Variants in MGST1 observed in about 807,000 individuals in gnomAD.
MGST1 encodes the protein microsomal glutathione S-transferase 1.
In MGST1, 5 loss-of-function variants were observed where a neutral mutation model predicts 8.9. The ratio of observed to expected loss-of-function variants is 0.56; its 90% CI spans 0.29 to 1.19. MGST1 has a LOEUF of 1.19. Ranked by LOEUF, MGST1 falls within the 50% of genes most tolerant of loss-of-function variation. The probability of loss-of-function intolerance (pLI) is 0.08; values close to 1 mark genes in which losing one functional copy is unlikely to be tolerated. For synonymous variants in MGST1, 54 were observed against 67.8 expected (o/e 0.80, Z 1.00); for missense variants, 182 against 187.4 (o/e 0.97, Z 0.17).
exon 2 of MGST1, chr12:16,437,926 A>G (rs1425736517): frequency 6.6e-6 from 1 of 151,950 alleles, no homozygotes; most frequent in African/African-American, 2.4e-5. Context: ...TCTTTCCTCT[A>G]AGTCTCAGAT....
At chr12:16,467,449 G>A (rs1256243961) in intron 4 of MGST1, among the ~76,000 whole-genome samples, 1 of 152,142 alleles carries the variant, frequency 6.6e-6, no homozygotes, top group African/African-American at 2.4e-5. Context: ...AAATGGAACT[G>A]TGACTCATAT....
chr12:16,377,444 G>A (rs377122272), downstream of MGST1, among the ~76,000 whole-genome samples: 22 of 151,710 alleles, frequency 1.5e-4, no homozygotes, highest in East Asian at 4.3e-3. Context: ...ATGGTTTCCA[G>A]TTTCATCCAT....
chr12:16,498,164 C>T (rs1309887159), intron 4 of MGST1, among the ~76,000 whole-genome samples: 1 of 152,018 alleles, frequency 6.6e-6, no homozygotes, highest in Non-Finnish European at 1.5e-5. Context: ...TTTGAGTTAT[C>T]ATTATTTCAC....
At chr12:16,391,903 C>T (rs1366749054) in intron 1 of MGST1, among the ~76,000 whole-genome samples, 1 of 152,134 alleles carries the variant, frequency 6.6e-6, no homozygotes, top group African/African-American at 2.4e-5. Context: ...TTTAATCCAT[C>T]TTGAGTTGAT....
At chr12:16,350,404 A>G (rs1423831228) in intron 1 of MGST1, among the ~76,000 whole-genome samples, 1 of 152,244 alleles carries the variant, frequency 6.6e-6, no homozygotes, top group African/African-American at 2.4e-5. Flanking sequence ...ATAATTCATA[A>G]CCAAATTAGT....
At chr12:16,494,163 T>C (rs1264389758) in intron 4 of MGST1, among the ~76,000 whole-genome samples, 3 of 152,136 alleles carry the variant, frequency 2.0e-5, no homozygotes, top group Non-Finnish European at 4.4e-5. Flanking sequence ...CTGAGAAGTA[T>C]TGCATCCTTG....
downstream of MGST1, among the ~76,000 whole-genome samples, chr12:16,442,441 C>T (rs1196366092): frequency 6.6e-6 from 1 of 151,838 alleles, no homozygotes; most frequent in African/African-American, 2.4e-5. This position sits in a 1 kb window ranked among gnomAD's most constrained non-coding sequence, Gnocchi z 4.5. Flanking sequence ...AGGTTTACAG[C>T]TTTGTGGTTT....
At chr12:16,492,993 A>C (rs1323001004) in intron 4 of MGST1, among the ~76,000 whole-genome samples, 1 of 152,166 alleles carries the variant, frequency 6.6e-6, no homozygotes, top group African/African-American at 2.4e-5. Context: ...CCATTACCCT[A>C]GGCACAGTAA....
intron 4 of MGST1, among the ~76,000 whole-genome samples, chr12:16,494,670 A>G (rs1941459105): frequency 6.6e-6 from 1 of 152,164 alleles, no homozygotes; most frequent in South Asian, 2.1e-4. Flanking sequence ...AATGGGAGCA[A>G]GTTTCCTGTT....
rs2137019892 is a variant in MGST1, at chr12:16,369,898, G to A, written c.222-6224G>A. The A allele has an allele frequency of 6.6e-6, 1 of 152,316 alleles. No individual in the cohort carries two copies. The allele number at this position is 152,316 out of a possible 1,614,324, so 9.4% of individuals were successfully genotyped here. A position where few individuals can be genotyped will look rare whatever the true frequency, so the allele number is the denominator to read the frequency against. ...CTTGGCCAGAGAAAGTCACAGGGCT[G>A]GCCTCAGAACTAAAGTGCTGGGAAA... On this transcript the variant is annotated intron_variant, in intron 3 of 3. Coordinates refer to the MGST1 transcript ENST00000535309. This position sits in a 1 kb window ranked among gnomAD's most constrained non-coding sequence, Gnocchi z 4.8.
At chr12:16,350,125 A>G (rs1242667612) in intron 1 of MGST1, among the ~76,000 whole-genome samples, 1 of 152,154 alleles carries the variant, frequency 6.6e-6, no homozygotes, top group Non-Finnish European at 1.5e-5. Flanking sequence ...TTCACAGGTA[A>G]GGTGAAGAGG....
At chr12:16,459,617 T>C (rs1941204262) in intron 4 of MGST1, among the ~76,000 whole-genome samples, 1 of 152,074 alleles carries the variant, frequency 6.6e-6, no homozygotes, top group African/African-American at 2.4e-5. Context: ...CTAGTTCAAC[T>C]GGGGTCGAGA....
downstream of MGST1, among the ~76,000 whole-genome samples, chr12:16,442,824 G>A (rs1200928873): frequency 6.6e-6 from 1 of 151,484 alleles, no homozygotes; most frequent in Non-Finnish European, 1.5e-5. This position sits in a 1 kb window ranked among gnomAD's most constrained non-coding sequence, Gnocchi z 4.5. Flanking sequence ...GTTTTTATCA[G>A]TTATTGGGAC....
chr12:16,367,667 A>C (rs965678679), downstream of MGST1, among the ~76,000 whole-genome samples: 6 of 152,310 alleles, frequency 3.9e-5, no homozygotes, highest in African/African-American at 1.4e-4. Flanking sequence ...AGAGGAATCA[A>C]ATATTAAATG....
chr12:16,349,480 A>C (rs1287961446), intron 1 of MGST1, among the ~76,000 whole-genome samples: 1 of 152,124 alleles, frequency 6.6e-6, no homozygotes, highest in Non-Finnish European at 1.5e-5. Context: ...AGAGGTAAAC[A>C]CTTGAGAAAA....
At chr12:16,452,074 T>A (rs1012143131) in intron 4 of MGST1, among the ~76,000 whole-genome samples, 1 of 151,848 alleles carries the variant, frequency 6.6e-6, no homozygotes, top group East Asian at 1.9e-4. Flanking sequence ...TTTTAAAGAT[T>A]GATAACCCTA....
chr12:16,380,955 A>G (rs958654281), downstream of MGST1, among the ~76,000 whole-genome samples: 4 of 152,168 alleles, frequency 2.6e-5, no homozygotes, highest in Admixed American at 2.6e-4. Context: ...ATCTGAGACT[A>G]GGATTGCAAT....
intron 1 of MGST1, among the ~76,000 whole-genome samples, chr12:16,407,793 G>A (rs1940708313): frequency 6.6e-6 from 1 of 152,040 alleles, no homozygotes; most frequent in Admixed American, 6.5e-5. Context: ...CAGCACATTG[G>A]GAGGCCAAGG....
chr12:16,456,276 A>G (rs1392538599), intron 4 of MGST1, among the ~76,000 whole-genome samples: 1 of 151,918 alleles, frequency 6.6e-6, no homozygotes, highest in Non-Finnish European at 1.5e-5. Flanking sequence ...GTAAATGCAT[A>G]TAAGTTATTG....
Sources: allele counts gnomAD v4.1 joint callset (sites outside exome capture counted in the v4.1 genomes callset), GRCh38; gene constraint gnomAD v4.1.1; non-coding constraint Gnocchi (gnomAD v3.1); transcripts MANE v1.5; gene names NCBI Gene and HGNC (gene_info 2026-07-23, HGNC 2026-07-21).